The following SLC25A37 variants were observed in gnomAD, a reference collection of about 807,000 sequenced individuals.
SLC25A37 encodes solute carrier family 25 member 37, also known as mitoferrin-1.
A neutral mutation model predicts 31.0 loss-of-function variants in SLC25A37; 17 were observed. That is an observed-to-expected ratio of 0.55 (90% CI 0.38 to 0.82). SLC25A37 has a LOEUF of 0.82. Among genes scored for constraint, SLC25A37 ranks in the 40% least tolerant of loss-of-function variants. The pLI is 0.00. For missense variants in SLC25A37, 404 were observed against 465.8 expected (o/e 0.87, Z 1.22); for synonymous variants, 222 against 193.0 (o/e 1.15, Z -1.24).
intron 1 of SLC25A37, among the ~76,000 whole-genome samples, chr8:23,564,761 A>T (rs1186202062): frequency 5.9e-5 from 9 of 152,054 alleles, no homozygotes; most frequent in Admixed American, 4.6e-4. Flanking sequence ...AGAGACAGAG[A>T]CATCTATATC....
chr8:23,559,946 TC>T (rs1189680191), intron 1 of SLC25A37, among the ~76,000 whole-genome samples: 2 of 152,202 alleles, frequency 1.3e-5, no homozygotes, highest in African/African-American at 4.8e-5. Flanking sequence ...AGATGTTTTT[TC>T]CCCTCTCTGA....
chr8:23,571,595 A>T lies in SLC25A37; in HGVS notation c.757A>T (p.Thr253Ser). Reference sequence around the variant, plus strand: ...CGGGGCCCTCGCCGCGGCCGCCACGACCCCCCTGGACGTCTGTAAGACCCT... The same window carrying T: ...CGGGGCCCTCGCCGCGGCCGCCACGTCCCCCCTGGACGTCTGTAAGACCCT... ...LAGALAAAAT[T>S]PLDVCKTLLN... The change falls in exon 4 of 4, where the codon ACC becomes TCC. Residue 253 changes from threonine (T) to serine (S), a missense_variant. Thr to Ser is a moderately conservative substitution (Grantham distance 58). Around this residue, in one of 3 missense-constraint regions of SLC25A37, gnomAD observed 243 missense variants for 284.4 expected, o/e 0.85. Coordinates refer to ENST00000519973, the MANE Select transcript of SLC25A37 (RefSeq NM_016612.4). 1 of 1,613,070 alleles carries T rather than the reference A, an allele frequency of 6.2e-7. No homozygotes were observed. The highest frequency in any genetic ancestry group is 8.5e-7 in the Non-Finnish European group (1 of 1,179,672).
At chr8:23,540,127 C>G (rs1801858498) in intron 1 of SLC25A37, among the ~76,000 whole-genome samples, 1 of 152,222 alleles carries the variant, frequency 6.6e-6, no homozygotes, top group South Asian at 2.1e-4. Flanking sequence ...ATTTGATCCT[C>G]TTAGCTCTCC....
chr8:23,561,760 T>C (rs1190052772), intron 1 of SLC25A37, among the ~76,000 whole-genome samples: 3 of 152,184 alleles, frequency 2.0e-5, no homozygotes, highest in Non-Finnish European at 2.9e-5. Flanking sequence ...CTGATCAAAA[T>C]CATCTGGGGA....
intron 1 of SLC25A37, among the ~76,000 whole-genome samples, chr8:23,552,011 C>G (rs1802240202): frequency 6.6e-6 from 1 of 152,154 alleles, no homozygotes; most frequent in East Asian, 1.9e-4. Context: ...TTGATTTAGC[C>G]ATTTTCTTCT....
At chr8:23,530,912 T>C (rs550336414) in intron 1 of SLC25A37, among the ~76,000 whole-genome samples, 1 of 152,314 alleles carries the variant, frequency 6.6e-6, no homozygotes, top group Admixed American at 6.5e-5. Flanking sequence ...ACGTTTAAAT[T>C]GTGTGATCTG....
At chr8:23,558,042 C>A (rs927965124) in intron 1 of SLC25A37, among the ~76,000 whole-genome samples, 2 of 152,352 alleles carry the variant, frequency 1.3e-5, no homozygotes, top group Non-Finnish European at 2.9e-5. Flanking sequence ...ATCCCCATTG[C>A]ACCTGGCTCA....
Position 23,548,617 on chromosome 8 carries a change from T to C in SLC25A37, c.211-17491T>C, listed in dbSNP as rs182900924. On this transcript the variant is annotated intron_variant, in intron 1 of 3. Transcript: ENST00000519973. ...TCCCAAGTAGCTGGGATTACAGGCATACACCACCACACCCGGCTGATTTTA... is the reference window on the plus strand; with the variant it reads ...TCCCAAGTAGCTGGGATTACAGGCACACACCACCACACCCGGCTGATTTTA... 3.3e-3 allele frequency among the ~76,000 whole-genome samples: 499 copies of C among 151,740 alleles called. 2 individuals are homozygous for C. Among genetic ancestry groups the C allele is most frequent in the South Asian group, 9.8e-3 (47 of 4,794 alleles).
Position 23,575,321 on chromosome 8 carries a change from A to G in SLC25A37, c.*3466A>G, listed in dbSNP as rs1163614695. ...TTTCTTAAATTTCTCAAATGCCTGTAGTAACTATTGTTTCTGCCTCTCAAT... is the reference window on the plus strand; with the variant it reads ...TTTCTTAAATTTCTCAAATGCCTGTGGTAACTATTGTTTCTGCCTCTCAAT... On this transcript the variant is annotated 3_prime_UTR_variant, in exon 4 of 4. Transcript: ENST00000519973. The G allele has an allele frequency of 5.3e-5, 8 of 152,200 alleles. No homozygotes were observed. The highest frequency in any genetic ancestry group is 1.0e-4 in the Non-Finnish European group (7 of 68,046). 9.4% of individuals were successfully genotyped at this position (152,200 alleles called of 1,614,324 possible). A position where few individuals can be genotyped will look rare whatever the true frequency, so the allele number is the denominator to read the frequency against.
intron 1 of SLC25A37, among the ~76,000 whole-genome samples, chr8:23,541,010 C>T (rs1335562454): frequency 6.6e-6 from 1 of 152,222 alleles, no homozygotes; most frequent in East Asian, 1.9e-4. Flanking sequence ...AGCACTAGGA[C>T]TCAGTGCAGC....
chr8:23,574,640 T>C lies in SLC25A37; in HGVS notation c.*2785T>C, dbSNP rs529600303. On this transcript the variant is annotated 3_prime_UTR_variant, in exon 4 of 4. Coordinates refer to ENST00000519973, the MANE Select transcript of SLC25A37 (RefSeq NM_016612.4). ...AGCACTGAGCAGATACAAGTGTTTG[T>C]TAATTTTGTAGAAATTAACTTTCCC... is the stretch of plus-strand genomic sequence containing the variant. The C allele has an allele frequency of 3.6e-4, 56 of 154,994 alleles. No individual in the cohort carries two copies. Among genetic ancestry groups the C allele is most frequent in the African/African-American group, 1.2e-3 (51 of 41,658 alleles). 9.6% of individuals were successfully genotyped at this position (154,994 alleles called of 1,614,324 possible).
chr8:23,565,010 A>G (rs779852284), intron 1 of SLC25A37, among the ~76,000 whole-genome samples: 1 of 152,224 alleles, frequency 6.6e-6, no homozygotes, highest in Non-Finnish European at 1.5e-5. Context: ...GGACTAGCCA[A>G]GTCCAAAATC....
At chr8:23,557,318 C>T (rs1279477124) in intron 1 of SLC25A37, among the ~76,000 whole-genome samples, 5 of 152,074 alleles carry the variant, frequency 3.3e-5, no homozygotes, top group East Asian at 3.9e-4. Flanking sequence ...GTAGTGCCAA[C>T]GGTTTTTGTG....
At chr8:23,565,182 A>T (rs561315588) in intron 1 of SLC25A37, among the ~76,000 whole-genome samples, 1 of 152,342 alleles carries the variant, frequency 6.6e-6, no homozygotes, top group African/African-American at 2.4e-5. Flanking sequence ...AATCTACTTT[A>T]TTCAGAGTCT....
intron 1 of SLC25A37, among the ~76,000 whole-genome samples, chr8:23,542,696 TTTA>T (rs1563253641): frequency 1.3e-5 from 2 of 149,216 alleles, no homozygotes; most frequent in Admixed American, 6.7e-5. Context: ...TTTTTTTTTT[TTTA>T]AGTTAATTGT....
Position 23,529,194 on chromosome 8 carries a change from C to T in SLC25A37, c.192C>T (p.Tyr64=), listed in dbSNP as rs777731746. 1.9e-6 allele frequency: 3 copies of T among 1,609,600 alleles called. No homozygotes were observed. The highest frequency in any genetic ancestry group is 8.5e-7 in the Non-Finnish European group (1 of 1,178,452). ...MAGILEHSVM[Y]PVDSVKTRMQ... ...GGATCCTGGAGCACTCGGTCATGTACCCGGTGGACTCGGTGAAGGTGAGGC... is the reference window on the plus strand; with the variant it reads ...GGATCCTGGAGCACTCGGTCATGTATCCGGTGGACTCGGTGAAGGTGAGGC... The change falls in exon 1 of 4, where the codon TAC becomes TAT. Residue 64 remains tyrosine, a synonymous_variant. Transcript: ENST00000519973. This position sits in a 1 kb window ranked among gnomAD's most constrained non-coding sequence, Gnocchi z 4.1.
chr8:23,566,390 C>T, intron 2 of SLC25A37, 54 bp downstream of exon 2: 1 of 1,560,498 alleles, frequency 6.4e-7, no homozygotes, highest in Non-Finnish European at 8.6e-7. Flanking sequence ...CAACACGTCC[C>T]TCCCCAGGGT....
chr8:23,537,609 T>C (rs555550094), intron 1 of SLC25A37, among the ~76,000 whole-genome samples: 1 of 152,360 alleles, frequency 6.6e-6, no homozygotes, highest in African/African-American at 2.4e-5. Context: ...CAGTGCCGAT[T>C]CTGCCTCCCT....
At chr8:23,556,767 A>C (rs1802377598) in intron 1 of SLC25A37, among the ~76,000 whole-genome samples, 1 of 152,112 alleles carries the variant, frequency 6.6e-6, no homozygotes, top group Admixed American at 6.6e-5. Flanking sequence ...ATACTCTGAG[A>C]GCTGCAGTTA....
Sources: gnomAD v4.1 joint callset for allele counts (sites outside exome capture counted in the v4.1 genomes callset) on GRCh38, gnomAD v4.1.1 for gene constraint, gnomAD v4.1.1 regional missense constraint, Gnocchi (gnomAD v3.1) non-coding constraint, MANE v1.5 for transcripts, NCBI Gene and HGNC (gene_info 2026-07-23, HGNC 2026-07-21) for gene names.